Variants in MAP4K4 observed in about 807,000 individuals in gnomAD.
MAP4K4 encodes HPK/GCK-like kinase HGK.
A neutral mutation model predicts 189.6 loss-of-function variants in MAP4K4; 38 were observed. The ratio of observed to expected loss-of-function variants is 0.20; its 90% CI spans 0.15 to 0.26. MAP4K4 has a LOEUF of 0.26. Among genes scored for constraint, MAP4K4 ranks in the 10% least tolerant of loss-of-function variants. MAP4K4 has a pLI of 1.00. For synonymous variants in MAP4K4, 610 were observed against 624.3 expected, an observed-to-expected ratio of 0.98 and a Z score of 0.34; for missense variants, 1,054 against 1,726.9, an observed-to-expected ratio of 0.61 and a Z score of 6.91.
At chr2:101,816,776 GAA>G (rs1435602950) in intron 3 of MAP4K4, among the ~76,000 whole-genome samples, 1 of 152,132 alleles carries the variant, frequency 6.6e-6, no homozygotes, top group Non-Finnish European at 1.5e-5. Flanking sequence ...TGACCCAGTT[GAA>G]GGCAGTTTAA....
intron 2 of MAP4K4, among the ~76,000 whole-genome samples, chr2:101,777,977 A>G (rs1204780535): frequency 6.6e-6 from 1 of 152,214 alleles, no homozygotes; most frequent in Non-Finnish European, 1.5e-5. Flanking sequence ...TATCTTAGGA[A>G]GACAGATTTT....
chr2:101,740,149 A>ATTT (rs2061987528), intron 2 of MAP4K4, among the ~76,000 whole-genome samples: 3 of 76,138 alleles, frequency 3.9e-5, no homozygotes, highest in South Asian at 4.3e-4. Context: ...GCTTTATATC[A>ATTT]TCTTTTTTTT....
At chr2:101,884,780 G>T (rs2098457897) in intron 28 of MAP4K4, among the ~76,000 whole-genome samples, 1 of 152,158 alleles carries the variant, frequency 6.6e-6, no homozygotes. Flanking sequence ...GTCTGTGTGA[G>T]CCCCATGCAG....
chr2:101,789,567 A>G lies in MAP4K4; in HGVS notation c.124-1153A>G, dbSNP rs1490975855. Among the ~76,000 whole-genome samples the G allele has an allele frequency of 7.2e-5, 11 of 152,222 alleles. No individual in the cohort carries two copies. The South Asian group carries it at 1.2e-3, about 17-fold the overall frequency. ...CATTTTCATAGAGTTGCTTTGTCCA[A>G]GTTGTAACTTGAGTTCCTACACAGA... On this transcript the variant is annotated intron_variant, in intron 2 of 32. Transcript: ENST00000324219.
chr2:101,760,496 A>C (rs2075779848), intron 2 of MAP4K4, among the ~76,000 whole-genome samples: 1 of 126,448 alleles, frequency 7.9e-6, no homozygotes, highest in Admixed American at 8.1e-5. Context: ...TCAAAAAAAA[A>C]AAACAAAATA....
chr2:101,826,864 A>G (rs759399299), intron 5 of MAP4K4, among the ~76,000 whole-genome samples: 1 of 152,164 alleles, frequency 6.6e-6, no homozygotes, highest in Non-Finnish European at 1.5e-5. Context: ...ATCAGTAAAT[A>G]TGAATTGTTG....
At chr2:101,748,733 A>T (rs550736784) in intron 2 of MAP4K4, among the ~76,000 whole-genome samples, 2 of 152,240 alleles carry the variant, frequency 1.3e-5, no homozygotes, top group Admixed American at 1.3e-4. Context: ...CTGTTTGCAG[A>T]TGACATGATT....
At position 101,816,730 on chromosome 2, in the gene MAP4K4, GA is replaced by G. The variant is rs543858647; in HGVS notation, c.181-7195del. Among the ~76,000 whole-genome samples, 26 of 152,306 alleles carry G rather than the reference GA, an allele frequency of 1.7e-4. No individual in the cohort carries two copies. The East Asian group carries it at 3.3e-3, about 19-fold the overall frequency. ...ATTGGTACATCATAGTAAACAGGAA[GA>G]AATGACCATGAGGCTAAGGTCAGAG... On this transcript the variant is annotated intron_variant, in intron 3 of 32. Coordinates refer to ENST00000324219, the Ensembl canonical transcript of MAP4K4.
chr2:101,720,524 AG>A (rs2149436364), intron 2 of MAP4K4, among the ~76,000 whole-genome samples: 1 of 152,222 alleles, frequency 6.6e-6, no homozygotes, highest in African/African-American at 2.4e-5. Flanking sequence ...GGACCCAGTG[AG>A]GTGGAGGGAC....
At chr2:101,717,643 G>C (rs2049153114) in intron 2 of MAP4K4, among the ~76,000 whole-genome samples, 1 of 152,206 alleles carries the variant, frequency 6.6e-6, no homozygotes, top group Admixed American at 6.5e-5. Context: ...GGGACTGTCT[G>C]TGGTGTGCCA....
chr2:101,803,265 A>G (rs4851497), intron 3 of MAP4K4, among the ~76,000 whole-genome samples: 34 of 60,266 alleles, frequency 5.6e-4, no homozygotes, highest in Admixed American at 1.7e-3. Context: ...GTGTGTGTGT[A>G]TGTATGTGTG....
chr2:101,782,705 A>G lies in MAP4K4; in HGVS notation c.124-8015A>G, dbSNP rs553079934. ...GGACTCCAGTCTGAAGGGATGATCT[A>G]GTACCAACCAGGAGATGTTTAGAAG... On this transcript the variant is annotated intron_variant, in intron 2 of 32. Coordinates refer to ENST00000324219, the Ensembl canonical transcript of MAP4K4. 9.1e-4 allele frequency among the ~76,000 whole-genome samples: 138 copies of G among 152,280 alleles called. 1 individual carries two copies. Among genetic ancestry groups the G allele is most frequent in the African/African-American group, 2.9e-3 (121 of 41,558 alleles).
intron 2 of MAP4K4, among the ~76,000 whole-genome samples, chr2:101,738,798 A>G (rs1452431479): frequency 6.6e-6 from 1 of 151,976 alleles, no homozygotes; most frequent in Non-Finnish European, 1.5e-5. Context: ...TGGTGGAAAG[A>G]TCACTGTCTG....
At position 101,722,325 on chromosome 2, in the gene MAP4K4, TG is replaced by T. The variant is rs369619281; in HGVS notation, c.123+23789del. 1.3e-3 allele frequency among the ~76,000 whole-genome samples: 197 copies of T among 152,346 alleles called. 1 individual carries two copies. Among genetic ancestry groups the T allele is most frequent in the African/African-American group, 4.4e-3 (184 of 41,588 alleles). On this transcript the variant is annotated intron_variant, in intron 2 of 32. Transcript: ENST00000324219. The stretch of plus-strand genomic sequence containing the variant: ...TTGAATTTGGACATTATCTGTCTAC[TG>T]GAATTGGCCAATTTTGGCCCTGCAA...
At chr2:101,818,882 A>G (rs1158672003) in intron 3 of MAP4K4, among the ~76,000 whole-genome samples, 1 of 152,204 alleles carries the variant, frequency 6.6e-6, no homozygotes, top group Non-Finnish European at 1.5e-5. Context: ...AGTGGGGGCT[A>G]GCAGCTGCCA....
At chr2:101,845,383 C>T (rs557453350) in intron 12 of MAP4K4, among the ~76,000 whole-genome samples, 2 of 152,216 alleles carry the variant, frequency 1.3e-5, no homozygotes, top group Admixed American at 1.3e-4. Flanking sequence ...TATATTATTT[C>T]CCTATACAGT....
chr2:101,760,503 A>AATATATATATAT (rs35922398), intron 2 of MAP4K4, among the ~76,000 whole-genome samples: 9 of 133,134 alleles, frequency 6.8e-5, no homozygotes, highest in African/African-American at 2.3e-4. Flanking sequence ...AAAAAAACAA[A>AATATATATATAT]ATATATATAT....
chr2:101,871,203 G>GA (rs1057083060), intron 23 of MAP4K4, among the ~76,000 whole-genome samples: 6 of 145,146 alleles, frequency 4.1e-5, no homozygotes, highest in East Asian at 4.0e-4. Flanking sequence ...GATTTAAAAA[G>GA]AAAAAAAAAA....
intron 2 of MAP4K4, among the ~76,000 whole-genome samples, chr2:101,759,270 A>G (rs1345031658): frequency 6.6e-6 from 1 of 151,594 alleles, no homozygotes. Flanking sequence ...TTCCTTGGTC[A>G]TTTTTCTCCT....
Sources: gnomAD v4.1 joint callset for allele counts (sites outside exome capture counted in the v4.1 genomes callset) on GRCh38, gnomAD v4.1.1 for gene constraint, MANE v1.5 for transcripts, NCBI Gene and HGNC (gene_info 2026-07-23, HGNC 2026-07-21) for gene names.